The following ZNF407 variants were observed in gnomAD, a reference collection of about 807,000 sequenced individuals.
The protein encoded by ZNF407 is zinc finger protein 407.
A neutral mutation model predicts 131.2 loss-of-function variants in ZNF407; 17 were observed. The observed-to-expected ratio is 0.13, with a 90% CI of 0.09 to 0.19. ZNF407 has a LOEUF of 0.19. ZNF407 is among the 10% of genes least tolerant of loss of function. The probability of loss-of-function intolerance (pLI) is 1.00; values close to 1 mark genes in which losing one functional copy is unlikely to be tolerated. For missense variants in ZNF407, 2,681 were observed against 2,830.6 expected, an observed-to-expected ratio of 0.95 and a Z score of 1.20; for synonymous variants, 1,156 against 1,062.0, an observed-to-expected ratio of 1.09 and a Z score of -1.72.
intron 3 of ZNF407, among the ~76,000 whole-genome samples, chr18:74,666,676 T>A (rs1425736581): frequency 4.6e-5 from 7 of 152,190 alleles, no homozygotes; most frequent in Non-Finnish European, 4.4e-5. Context: ...GTTAATTAGT[T>A]AGCTCTTGCT....
chr18:74,829,841 T>A (rs1411035506), intron 4 of ZNF407, among the ~76,000 whole-genome samples: 4 of 152,166 alleles, frequency 2.6e-5, no homozygotes, highest in Non-Finnish European at 5.9e-5. Context: ...CAAAATTTTT[T>A]AATTTAAAAA....
chr18:74,620,105 A>G (rs1414967838), intron 1 of ZNF407, among the ~76,000 whole-genome samples: 1 of 152,148 alleles, frequency 6.6e-6, no homozygotes, highest in Non-Finnish European at 1.5e-5. Context: ...TGGAGAATAT[A>G]TTACATTTTA....
At chr18:75,028,646 C>T (rs1464243487) in intron 8 of ZNF407, among the ~76,000 whole-genome samples, 1 of 152,160 alleles carries the variant, frequency 6.6e-6, no homozygotes, top group Non-Finnish European at 1.5e-5. Context: ...CGTCAATGTG[C>T]GGGAATTCCG....
chr18:74,813,566 G>A (rs899574075), intron 4 of ZNF407, among the ~76,000 whole-genome samples: 1 of 152,136 alleles, frequency 6.6e-6, no homozygotes, highest in African/African-American at 2.4e-5. Context: ...TCAGCCCAGG[G>A]TGAGGGCCGG....
Position 74,725,407 on chromosome 18 carries a change from CAAAATTAAAA to C in ZNF407, c.4803-56009_4803-56000del, listed in dbSNP as rs548402743. 4.0e-3 allele frequency among the ~76,000 whole-genome samples: 616 copies of C among 152,178 alleles called. 4 individuals are homozygous for C. Among genetic ancestry groups the C allele is most frequent in the African/African-American group, 0.015 (603 of 41,532 alleles). ...TTTAAAACTATTTTATATAGATTCACAAAATTAAAAAAAATTAAAAACTATTTTTATGGGA... is the reference window on the plus strand; with the variant it reads ...TTTAAAACTATTTTATATAGATTCACAAAATTAAAAACTATTTTTATGGGA... On this transcript the variant is annotated intron_variant, in intron 3 of 8. Transcript: ENST00000299687.
chr18:74,635,113 A>G lies in ZNF407; in HGVS notation c.4094A>G (p.Asn1365Ser), dbSNP rs759541541. Residue 1365 changes from asparagine to serine, a missense_variant, in exon 2 of 9, where the codon AAC becomes AGC. By Grantham distance (46) the Asn-to-Ser change is conservative. Coordinates refer to ENST00000299687, the MANE Select transcript of ZNF407 (RefSeq NM_017757.3). This position sits in a 1 kb window ranked among gnomAD's most constrained non-coding sequence, Gnocchi z 4.7. Reference protein sequence around the residue: ...RFDSSIIRIKNPEDGELIDQS... With the variant: ...RFDSSIIRIKSPEDGELIDQS... Reference sequence around the variant, plus strand: ...GACTCCTCCATAATAAGAATAAAGAACCCTGAAGATGGTGAGTTGATAGAC... The same window carrying G: ...GACTCCTCCATAATAAGAATAAAGAGCCCTGAAGATGGTGAGTTGATAGAC... 2 of 1,613,876 alleles carry G rather than the reference A, an allele frequency of 1.2e-6. No individual in the cohort carries two copies. The highest frequency in any genetic ancestry group is 1.7e-5 in the Admixed American group (1 of 60,002).
intron 4 of ZNF407, among the ~76,000 whole-genome samples, chr18:74,818,626 T>G (rs963061581): frequency 6.6e-6 from 1 of 152,202 alleles, no homozygotes; most frequent in Non-Finnish European, 1.5e-5. Context: ...ATTCAGCAGC[T>G]GCATTCTTAC....
At position 74,632,405 on chromosome 18, in the gene ZNF407, A is replaced by C. The variant is rs1390550632; in HGVS notation, c.1386A>C (p.Lys462Asn). The change falls in exon 2 of 9, where the codon AAA becomes AAC. Residue 462 changes from lysine (K) to asparagine (N), a missense_variant. This residue lies in a region of ZNF407 where 1,789 missense variants were observed against 1,748.7 expected (regional missense o/e 1.02). Transcript: ENST00000299687. ...GTSETQRMYM[K>N]HLRTQMKTHD... ...GTGAAACTCAGAGGATGTATATGAA[A>C]CACTTGAGAACACAGATGAAAACAC... 6.2e-7 allele frequency: 1 copy of C among 1,613,906 alleles called. No homozygotes were observed. Among genetic ancestry groups the C allele is most frequent in the Admixed American group, 1.7e-5 (1 of 60,010 alleles).
At chr18:74,696,977 G>A (rs1157622010) in intron 3 of ZNF407, among the ~76,000 whole-genome samples, 1 of 152,136 alleles carries the variant, frequency 6.6e-6, no homozygotes. Flanking sequence ...ATAACAACCT[G>A]CAAAGTTTAT....
In ZNF407 at chr18:75,063,038, T is replaced by C; in HGVS notation, c.5429-112T>C. On this transcript the variant is annotated intron_variant, in intron 8 of 8. Coordinates refer to ENST00000299687, the MANE Select transcript of ZNF407 (RefSeq NM_017757.3). This position sits in a 1 kb window ranked among gnomAD's most constrained non-coding sequence, Gnocchi z 6.6. Reference sequence around the variant, plus strand: ...GTAGAGAGCTCTTCAGGGTTTGGAATAGGGGGTCGTGGTGACTCTGCTGAG... The same window carrying C: ...GTAGAGAGCTCTTCAGGGTTTGGAACAGGGGGTCGTGGTGACTCTGCTGAG... 1 of 995,238 alleles carries C rather than the reference T, an allele frequency of 1.0e-6. No individual in the cohort carries two copies. The highest frequency in any genetic ancestry group is 1.5e-6 in the Non-Finnish European group (1 of 671,532). The allele number at this position is 995,238 out of a possible 1,614,324, so 61.7% of individuals were successfully genotyped here.
chr18:74,943,314 A>G (rs1045404871), intron 8 of ZNF407, among the ~76,000 whole-genome samples: 3 of 152,230 alleles, frequency 2.0e-5, no homozygotes, highest in African/African-American at 7.2e-5. Context: ...TATTACGTTA[A>G]TAGTGATTTT....
intron 4 of ZNF407, among the ~76,000 whole-genome samples, chr18:74,842,042 G>A (rs145418980): frequency 1.6e-3 from 245 of 152,308 alleles, no homozygotes; most frequent in Middle Eastern, 0.014. Context: ...AGATAGCTTA[G>A]TCTTACATGA....
At chr18:74,895,782 A>G (rs1342481398) in intron 7 of ZNF407, among the ~76,000 whole-genome samples, 2 of 152,178 alleles carry the variant, frequency 1.3e-5, no homozygotes, top group Non-Finnish European at 2.9e-5. Flanking sequence ...TTCAGTATAC[A>G]ATGGGATTCA....
chr18:74,819,030 C>A (rs1233391610), intron 4 of ZNF407, among the ~76,000 whole-genome samples: 1 of 152,144 alleles, frequency 6.6e-6, no homozygotes, highest in Non-Finnish European at 1.5e-5. Flanking sequence ...TCTTTTACCT[C>A]CCTGAGAGAT....
At chr18:74,801,413 A>G (rs1432233749) in intron 4 of ZNF407, among the ~76,000 whole-genome samples, 2 of 152,218 alleles carry the variant, frequency 1.3e-5, no homozygotes, top group Non-Finnish European at 2.9e-5. Flanking sequence ...AGTATCACAA[A>G]CGTGGGCCAT....
chr18:75,052,579 A>C (rs1328981992), intron 8 of ZNF407, among the ~76,000 whole-genome samples: 3 of 152,214 alleles, frequency 2.0e-5, no homozygotes, highest in Non-Finnish European at 4.4e-5. Flanking sequence ...AAAGCATTCC[A>C]AGTCCTGCCT....
At chr18:74,882,138 T>A (rs1485193559) in intron 6 of ZNF407, among the ~76,000 whole-genome samples, 1 of 152,234 alleles carries the variant, frequency 6.6e-6, no homozygotes, top group Admixed American at 6.5e-5. Context: ...CAAAACCATA[T>A]CAGGAACACT....
At chr18:74,604,329 C>T (rs1982705050) in intron 1 of ZNF407, among the ~76,000 whole-genome samples, 3 of 152,040 alleles carry the variant, frequency 2.0e-5, no homozygotes, top group Middle Eastern at 3.4e-3. Flanking sequence ...CAGAAGCTTC[C>T]TCATGTGCAT....
intron 3 of ZNF407, among the ~76,000 whole-genome samples, chr18:74,734,969 GT>G (rs1483728164): frequency 6.6e-6 from 1 of 152,054 alleles, no homozygotes; most frequent in Non-Finnish European, 1.5e-5. Flanking sequence ...ATATTTAATA[GT>G]TTTAGAAGTG....
Sources: gnomAD v4.1 joint callset for allele counts (sites outside exome capture counted in the v4.1 genomes callset) on GRCh38, gnomAD v4.1.1 for gene constraint, gnomAD v4.1.1 regional missense constraint, Gnocchi (gnomAD v3.1) non-coding constraint, MANE v1.5 for transcripts, NCBI Gene and HGNC (gene_info 2026-07-23, HGNC 2026-07-21) for gene names.